Variants in ATXN1 observed in about 807,000 individuals in gnomAD.
ATXN1 encodes the protein ataxin 1.
Under a neutral mutation model 56.4 loss-of-function variants are expected in ATXN1, and 8 were observed. The observed-to-expected ratio is 0.14, with a 90% CI of 0.08 to 0.26. The LOEUF (loss-of-function observed/expected upper bound fraction) is 0.26, where lower values mean the gene tolerates loss of function less well. Among genes scored for constraint, ATXN1 ranks in the 10% least tolerant of loss-of-function variants. ATXN1 has a pLI of 1.00. For synonymous variants in ATXN1, 514 were observed against 494.6 expected (o/e 1.04, Z -0.52); for missense variants, 987 against 1,106.5 (o/e 0.89, Z 1.53).
chr6:16,423,691 A>G (rs1759082206), intron 6 of ATXN1, among the ~76,000 whole-genome samples: 1 of 152,198 alleles, frequency 6.6e-6, no homozygotes, highest in Non-Finnish European at 1.5e-5. Context: ...GAGGACAGAG[A>G]GGAGAGAAGA....
intron 6 of ATXN1, among the ~76,000 whole-genome samples, chr6:16,469,766 C>A (rs1486391047): frequency 6.6e-6 from 1 of 152,046 alleles, no homozygotes; most frequent in Non-Finnish European, 1.5e-5. Flanking sequence ...GAATTTGAGA[C>A]CAGCCTGACC....
intron 2 of ATXN1, among the ~76,000 whole-genome samples, chr6:16,741,023 G>T (rs1025797139): frequency 3.3e-5 from 5 of 152,142 alleles, no homozygotes; most frequent in Non-Finnish European, 7.4e-5. Context: ...AATTTCTGGG[G>T]TATCTTGGCT....
chr6:16,568,232 A>G (rs565324134), intron 4 of ATXN1, among the ~76,000 whole-genome samples: 2 of 152,350 alleles, frequency 1.3e-5, no homozygotes, highest in African/African-American at 4.8e-5. Flanking sequence ...AATTCGCAAG[A>G]ATATTTGAAA....
At chr6:16,609,855 G>C (rs1763073341) in intron 3 of ATXN1, among the ~76,000 whole-genome samples, 1 of 152,148 alleles carries the variant, frequency 6.6e-6, no homozygotes, top group South Asian at 2.1e-4. Flanking sequence ...GAAGAAGGAG[G>C]AGGAAAAAGA....
rs371048694 is a variant in ATXN1 at position 16,306,692 on chromosome 6, A to C, written c.2085T>G (p.Val695=). Residue 695 remains valine (V), a synonymous_variant, in exon 8 of 8, where the codon GTT becomes GTG. Coordinates refer to ENST00000436367, the MANE Select transcript of ATXN1 (RefSeq NM_001128164.2). The surrounding 1 kb of genome is among the most constrained non-coding windows in gnomAD (Gnocchi z 5.2). ...LTLKNLKNGS[V]KKGQPVDPAS... is the part of the protein sequence containing the mutation. ...CGGGATCCACGGGCTGGCCCTTTTT[A>C]ACAGAGCCGTTCTTCAGGTTCTTGA... 1 of 1,614,122 alleles carries C rather than the reference A, an allele frequency of 6.2e-7. No homozygotes were observed. Among genetic ancestry groups the C allele is most frequent in the Non-Finnish European group, 8.5e-7 (1 of 1,180,018 alleles).
chr6:16,391,161 C>CAAAA (rs35472967), intron 6 of ATXN1, among the ~76,000 whole-genome samples: 18 of 56,380 alleles, frequency 3.2e-4, no homozygotes, highest in African/African-American at 5.7e-4. Context: ...GACTCCATCT[C>CAAAA]AAAAAAAAAA....
intron 6 of ATXN1, among the ~76,000 whole-genome samples, chr6:16,338,242 C>G (rs1192610894): frequency 1.3e-5 from 2 of 152,146 alleles, no homozygotes; most frequent in Non-Finnish European, 2.9e-5. Flanking sequence ...GCCTGCAAAC[C>G]CAGCACTTTA....
intron 2 of ATXN1, among the ~76,000 whole-genome samples, chr6:16,740,815 G>A (rs1370468479): frequency 6.6e-6 from 1 of 152,164 alleles, no homozygotes; most frequent in African/African-American, 2.4e-5. Flanking sequence ...TTCGAGGCAT[G>A]AGCCACCATG....
At chr6:16,691,135 T>G (rs144274162) in intron 2 of ATXN1, among the ~76,000 whole-genome samples, 35 of 152,348 alleles carry the variant, frequency 2.3e-4, no homozygotes, top group African/African-American at 7.7e-4. Context: ...TGGTGCCAGG[T>G]TGGAATTTCA....
At chr6:16,622,175 A>G (rs1306197953) in intron 3 of ATXN1, among the ~76,000 whole-genome samples, 3 of 152,234 alleles carry the variant, frequency 2.0e-5, no homozygotes, top group Non-Finnish European at 4.4e-5. Context: ...GAAATGAGAA[A>G]GACAAACAAG....
intron 6 of ATXN1, among the ~76,000 whole-genome samples, chr6:16,348,012 G>A (rs951026990): frequency 5.9e-5 from 9 of 152,206 alleles, no homozygotes; most frequent in African/African-American, 2.2e-4. Context: ...AACCCACAGG[G>A]AGGAATGAAC....
At chr6:16,675,903 T>C in intron 2 of ATXN1, among the ~76,000 whole-genome samples, 1 of 151,570 alleles carries the variant, frequency 6.6e-6, no homozygotes, top group Middle Eastern at 3.4e-3. Flanking sequence ...AATAAATAAA[T>C]AAATAAAAAT....
intron 5 of ATXN1, among the ~76,000 whole-genome samples, chr6:16,490,938 A>T (rs1451845531): frequency 1.3e-5 from 2 of 152,184 alleles, no homozygotes; most frequent in Non-Finnish European, 2.9e-5. Flanking sequence ...TGATGCTACT[A>T]ACAGCTGGTT....
chr6:16,573,069 C>T (rs1762360549), intron 4 of ATXN1, among the ~76,000 whole-genome samples: 2 of 152,160 alleles, frequency 1.3e-5, no homozygotes, highest in South Asian at 2.1e-4. Context: ...GGCAATCTTT[C>T]CCTTCTTTTT....
chr6:16,538,813 G>A (rs1228197712), intron 4 of ATXN1, among the ~76,000 whole-genome samples: 1 of 152,132 alleles, frequency 6.6e-6, no homozygotes, highest in Non-Finnish European at 1.5e-5. Context: ...AGCCTCCCAA[G>A]TAGCTGGGAC....
intron 2 of ATXN1, among the ~76,000 whole-genome samples, chr6:16,700,159 T>TA (rs1759251611): frequency 6.6e-6 from 1 of 152,116 alleles, no homozygotes. Context: ...CTTTCCCAAT[T>TA]AAAAAAATCC....
intron 4 of ATXN1, among the ~76,000 whole-genome samples, chr6:16,556,121 TA>T (rs1413596208): frequency 1.3e-5 from 2 of 152,256 alleles, no homozygotes; most frequent in Non-Finnish European, 2.9e-5. Context: ...AATGATAAAA[TA>T]TTTCACTATT....
At chr6:16,335,019 T>A (rs1208794803) in intron 6 of ATXN1, among the ~76,000 whole-genome samples, 1 of 152,090 alleles carries the variant, frequency 6.6e-6, no homozygotes, top group Non-Finnish European at 1.5e-5. Context: ...ACCCCAAGGG[T>A]CAGGATAGAA....
At chr6:16,471,562 T>C (rs961691872) in intron 6 of ATXN1, among the ~76,000 whole-genome samples, 2 of 152,088 alleles carry the variant, frequency 1.3e-5, no homozygotes, top group African/African-American at 4.8e-5. Flanking sequence ...GCCTATATCA[T>C]AGAGTGACAC....
Sources: gnomAD v4.1 joint callset for allele counts (sites outside exome capture counted in the v4.1 genomes callset) on GRCh38, gnomAD v4.1.1 for gene constraint, Gnocchi (gnomAD v3.1) non-coding constraint, MANE v1.5 for transcripts, NCBI Gene and HGNC (gene_info 2026-07-23, HGNC 2026-07-21) for gene names.